The following AGAP1 variants were observed in gnomAD, a reference collection of about 807,000 sequenced individuals.
AGAP1 encodes ArfGAP with GTPase domain, ankyrin repeat and PH domain 1.
AGAP1 carries 29 observed loss-of-function variants against 105.3 expected under a neutral mutation model. The observed-to-expected ratio is 0.28, with a 90% CI of 0.21 to 0.38. AGAP1 has a LOEUF of 0.38. Ranked by LOEUF, AGAP1 falls within the 10% of genes least tolerant of loss-of-function variation. The probability of loss-of-function intolerance (pLI) is 1.00; values close to 1 mark genes in which losing one functional copy is unlikely to be tolerated. For synonymous variants in AGAP1, 509 were observed against 485.9 expected, an observed-to-expected ratio of 1.05 and a Z score of -0.63; for missense variants, 998 against 1,165.1, an observed-to-expected ratio of 0.86 and a Z score of 2.09.
intron 12 of AGAP1, among the ~76,000 whole-genome samples, chr2:235,939,162 A>C (rs981123860): frequency 6.6e-6 from 1 of 152,176 alleles, no homozygotes; most frequent in Non-Finnish European, 1.5e-5. Flanking sequence ...AGTATGATGC[A>C]GTGAGACAGG....
Position 236,012,862 on chromosome 2 carries a change from T to G in AGAP1, c.1646-23699T>G, listed in dbSNP as rs112148145. Among the ~76,000 whole-genome samples the G allele has an allele frequency of 0.022, 3,370 of 152,228 alleles. 125 individuals are homozygous for G. Among genetic ancestry groups the G allele is most frequent in the African/African-American group, 0.077 (3,214 of 41,512 alleles). On this transcript the variant is annotated intron_variant, in intron 13 of 17. Transcript: ENST00000304032. The surrounding 1 kb of genome is among the most constrained non-coding windows in gnomAD (Gnocchi z 4.9). ...GGTACGATCTCAGCTCACTGCAACC[T>G]CCGCCTCCAGAGTAGCTGGGATTAT... is the stretch of plus-strand genomic sequence containing the variant.
At position 235,781,734 on chromosome 2, in the gene AGAP1, A is replaced by AT. The variant is rs1360569925; in HGVS notation, c.674-16024dup. Among the ~76,000 whole-genome samples the AT allele has an allele frequency of 2.6e-5, 4 of 152,316 alleles. No individual in the cohort carries two copies. In the East Asian group the frequency reaches 7.7e-4, roughly 29 times the overall value. ...CTCTGGAAGGGTAAGGCCTGAGCCA[A>AT]TGGAAGCTGTTTTGAAAAATACCCA... On this transcript the variant is annotated intron_variant, in intron 6 of 17. Coordinates refer to ENST00000304032, the MANE Select transcript of AGAP1 (RefSeq NM_001037131.3).
At position 235,976,078 on chromosome 2, in the gene AGAP1, G is replaced by A. The variant is rs963879873; in HGVS notation, c.1645+7455G>A. Among the ~76,000 whole-genome samples, 4 of 152,158 alleles carry A rather than the reference G, an allele frequency of 2.6e-5. No homozygotes were observed. Among genetic ancestry groups the A allele is most frequent in the African/African-American group, 9.7e-5 (4 of 41,434 alleles). ...ACCAAGAATCAGAACATCTTCCTGGGAGATACGCTGGAAATGCAGTCACTT... is the reference window on the plus strand; with the variant it reads ...ACCAAGAATCAGAACATCTTCCTGGAAGATACGCTGGAAATGCAGTCACTT... On this transcript the variant is annotated intron_variant, in intron 13 of 17. Coordinates refer to ENST00000304032, the MANE Select transcript of AGAP1 (RefSeq NM_001037131.3). This position sits in a 1 kb window ranked among gnomAD's most constrained non-coding sequence, Gnocchi z 4.5.
chr2:236,036,756 CAG>C lies in AGAP1; in HGVS notation c.1800+42_1800+43del. 14 of 1,611,564 alleles carry C rather than the reference CAG, an allele frequency of 8.7e-6. No individual in the cohort carries two copies. The highest frequency in any genetic ancestry group is 1.0e-5 in the Non-Finnish European group (12 of 1,179,090). On this transcript the variant is annotated intron_variant, in intron 14 of 17. Transcript: ENST00000304032. The surrounding 1 kb of genome is among the most constrained non-coding windows in gnomAD (Gnocchi z 5.7). ...GCCCAAAACCAAGGCTGGGGCTGCT[CAG>C]GGGGAGTGCGGGCCCCAAGTAATGC...
At position 236,020,999 on chromosome 2, in the gene AGAP1, C is replaced by G. The variant is rs747102443; in HGVS notation, c.1646-15562C>G. Among the ~76,000 whole-genome samples, 35 of 152,076 alleles carry G rather than the reference C, an allele frequency of 2.3e-4. 2 individuals carry two copies. Among genetic ancestry groups the G allele is most frequent in the South Asian group, 4.2e-4 (2 of 4,806 alleles). On this transcript the variant is annotated intron_variant, in intron 13 of 17. Transcript: ENST00000304032. This position sits in a 1 kb window ranked among gnomAD's most constrained non-coding sequence, Gnocchi z 5.0. ...TGGTCAACGTGGTGAAACCCCATCT[C>G]TACTAAAAATACAAAAATTAGCTGG...
intron 7 of AGAP1, 26 bp downstream of exon 7, chr2:235,797,912 G>C: frequency 6.2e-7 from 1 of 1,613,462 alleles, no homozygotes; most frequent in South Asian, 1.1e-5. Context: ...TGAGAAGTCA[G>C]ACTCTTAGAA....
chr2:235,842,590 T>C lies in AGAP1; in HGVS notation c.1050+35259T>C, dbSNP rs1297589045. On this transcript the variant is annotated intron_variant, in intron 9 of 17. Coordinates refer to ENST00000304032, the MANE Select transcript of AGAP1 (RefSeq NM_001037131.3). This position sits in a 1 kb window ranked among gnomAD's most constrained non-coding sequence, Gnocchi z 5.3. ...TTTTGTAATCCTATGAATTTAAACC[T>C]AATACTTTGAGAAGGGATCCTTTGG... 6.6e-6 allele frequency among the ~76,000 whole-genome samples: 1 copy of C among 152,202 alleles called. No individual in the cohort carries two copies. The highest frequency in any genetic ancestry group is 1.5e-5 in the Non-Finnish European group (1 of 68,024).
rs1034012478 is a variant in AGAP1 at position 236,051,818 on chromosome 2, T to A, written c.2114+2537T>A. 5.9e-5 allele frequency among the ~76,000 whole-genome samples: 9 copies of A among 152,090 alleles called. No homozygotes were observed. Among genetic ancestry groups the A allele is most frequent in the African/African-American group, 2.2e-4 (9 of 41,398 alleles). On this transcript the variant is annotated intron_variant, in intron 16 of 17. Transcript: ENST00000304032. This position sits in a 1 kb window ranked among gnomAD's most constrained non-coding sequence, Gnocchi z 5.9. Reference sequence around the variant, plus strand: ...GTCCCTTCCCGCTGGAAGGCCAGGGTCCTGGTGGAGCATGCGGGAAGCCTT... The same window carrying A: ...GTCCCTTCCCGCTGGAAGGCCAGGGACCTGGTGGAGCATGCGGGAAGCCTT...
rs565453793 is a variant in AGAP1 at position 235,705,597 on chromosome 2, G to A, written c.164-3582G>A. On this transcript the variant is annotated intron_variant, in intron 1 of 17. Coordinates refer to ENST00000304032, the MANE Select transcript of AGAP1 (RefSeq NM_001037131.3). This position sits in a 1 kb window ranked among gnomAD's most constrained non-coding sequence, Gnocchi z 4.9. ...GACTATTTTGGTATGCATGGCTTTCGCGAATGTTTTGTTAATTTTCGTTTA... is the reference window on the plus strand; with the variant it reads ...GACTATTTTGGTATGCATGGCTTTCACGAATGTTTTGTTAATTTTCGTTTA... 5.9e-5 allele frequency among the ~76,000 whole-genome samples: 9 copies of A among 152,280 alleles called. No individual in the cohort carries two copies. The highest frequency in any genetic ancestry group is 1.7e-4 in the African/African-American group (7 of 41,566).
intron 1 of AGAP1, among the ~76,000 whole-genome samples, chr2:235,674,200 C>T (rs1057159465): frequency 1.3e-5 from 2 of 152,298 alleles, no homozygotes; most frequent in Middle Eastern, 3.4e-3. Flanking sequence ...CAGGGCTGCT[C>T]CCTCTGTGTA....
chr2:235,670,753 C>G, intron 1 of AGAP1: 1 of 1,038,954 alleles, frequency 9.6e-7, no homozygotes, highest in African/African-American at 1.7e-5. Context: ...AGGTGCTCAG[C>G]AAGAACGACG....
chr2:235,879,310 C>T lies in AGAP1; in HGVS notation c.1051-4035C>T, dbSNP rs1017928880. On this transcript the variant is annotated intron_variant, in intron 9 of 17. Transcript: ENST00000304032. The surrounding 1 kb of genome is among the most constrained non-coding windows in gnomAD (Gnocchi z 5.0). ...TGCCCCAGCCCAGCTAGACCACAGC[C>T]ATGACATGGCAAGCGGGGCAGCCAA... is the stretch of plus-strand genomic sequence containing the variant. Among the ~76,000 whole-genome samples the T allele has an allele frequency of 6.6e-6, 1 of 152,202 alleles. No individual in the cohort carries two copies. The highest frequency in any genetic ancestry group is 2.1e-4 in the South Asian group (1 of 4,828).
rs375762849 is a variant in AGAP1 at position 235,900,584 on chromosome 2, C to T, written c.1156-8154C>T. Among the ~76,000 whole-genome samples, 17 of 152,226 alleles carry T rather than the reference C, an allele frequency of 1.1e-4. 1 individual carries two copies. In the South Asian group the frequency reaches 3.1e-3, roughly 28 times the overall value. ...GGGAAAAACAATACCATATATTGGA[C>T]ACTGATTCAGAGCATACACAGCCTT... On this transcript the variant is annotated intron_variant, in intron 10 of 17. Transcript: ENST00000304032. The surrounding 1 kb of genome is among the most constrained non-coding windows in gnomAD (Gnocchi z 5.5).
At chr2:235,776,888 G>A (rs72981176) in intron 6 of AGAP1, 118,710 of 470,076 alleles carry the variant, frequency 0.25, 17,272 homozygotes, top group Admixed American at 0.46. Flanking sequence ...TTTCTTGGCT[G>A]CAACCTCTCT....
In AGAP1 at chr2:235,989,015, C is replaced by T. The variant is rs2055442660; in HGVS notation, c.1645+20392C>T. On this transcript the variant is annotated intron_variant, in intron 13 of 17. Coordinates refer to ENST00000304032, the MANE Select transcript of AGAP1 (RefSeq NM_001037131.3). This position sits in a 1 kb window ranked among gnomAD's most constrained non-coding sequence, Gnocchi z 4.4. ...CCACACGTTGTCAGGCTTCCCTTGG[C>T]CAATAATGTGGAGTCTTTTGGTTTT... Among the ~76,000 whole-genome samples the T allele has an allele frequency of 1.3e-5, 2 of 152,162 alleles. No homozygotes were observed. Among genetic ancestry groups the T allele is most frequent in the Non-Finnish European group, 1.5e-5 (1 of 68,036 alleles).
In AGAP1 at chr2:236,130,149, C is replaced by T. The variant is rs2060063326; in HGVS notation, c.*6027C>T. The T allele has an allele frequency of 2.0e-5, 3 of 152,266 alleles. No individual in the cohort carries two copies. Among genetic ancestry groups the T allele is most frequent in the Non-Finnish European group, 4.4e-5 (3 of 68,094 alleles). The allele number at this position is 152,266 out of a possible 1,614,324, so 9.4% of individuals were successfully genotyped here. ...GAGACCAGCAGGCAGCTGTGGCATC[C>T]GACCTTGGGACGCCCAAGCTGGGCA... On this transcript the variant is annotated 3_prime_UTR_variant, in exon 18 of 18. Transcript: ENST00000304032. The surrounding 1 kb of genome is among the most constrained non-coding windows in gnomAD (Gnocchi z 5.8).
intron 13 of AGAP1, among the ~76,000 whole-genome samples, chr2:236,029,282 CTT>C (rs566152439): frequency 6.9e-6 from 1 of 143,932 alleles, no homozygotes; most frequent in South Asian, 2.2e-4. Context: ...ATCCTTTTTT[CTT>C]TTTTTTTTTG....
intron 9 of AGAP1, among the ~76,000 whole-genome samples, chr2:235,849,082 C>G (rs1320018606): frequency 6.6e-6 from 1 of 152,212 alleles, no homozygotes; most frequent in Non-Finnish European, 1.5e-5. Context: ...TCATTAGTTT[C>G]ACCCCACCAT....
chr2:236,072,125 GTTTT>G (rs11342740), intron 16 of AGAP1, among the ~76,000 whole-genome samples: 6 of 111,960 alleles, frequency 5.4e-5, no homozygotes, highest in African/African-American at 1.3e-4. Context: ...TTCGTTGTGG[GTTTT>G]TTTTTTTTTT....
Sources: allele counts gnomAD v4.1 joint callset (sites outside exome capture counted in the v4.1 genomes callset), GRCh38; gene constraint gnomAD v4.1.1; non-coding constraint Gnocchi (gnomAD v3.1); transcripts MANE v1.5; gene names NCBI Gene and HGNC (gene_info 2026-07-23, HGNC 2026-07-21).